AZIN2: variants seen among roughly 807,000 people sequenced by gnomAD.
The protein encoded by AZIN2 is ODC antizyme inhibitor-2.
AZIN2 carries 28 observed loss-of-function variants against 47.8 expected under a neutral mutation model. The observed-to-expected ratio is 0.59, with a 90% CI of 0.43 to 0.80. The LOEUF is 0.80. AZIN2 is among the 30% of genes least tolerant of loss of function. AZIN2 has a pLI of 0.00. For synonymous variants in AZIN2, 221 were observed against 239.4 expected, an observed-to-expected ratio of 0.92 and a Z score of 0.71; for missense variants, 535 against 582.5, an observed-to-expected ratio of 0.92 and a Z score of 0.84.
chr1:33,130,879 G>A, the AZIN2 span, among the ~76,000 whole-genome samples: 2 of 152,184 alleles, frequency 1.3e-5, no homozygotes, highest in Admixed American at 1.3e-4. Flanking sequence ...AGATGAATTT[G>A]AGATATGTCT....
chr1:33,090,540 G>A (rs1163629330), intron 5 of AZIN2, among the ~76,000 whole-genome samples: 3 of 152,148 alleles, frequency 2.0e-5, no homozygotes, highest in African/African-American at 7.2e-5. Context: ...TTGGTCTGGT[G>A]GACTTTCTAA....
chr1:33,121,711 T>C lies in AZIN2; in HGVS notation c.*1529T>C, dbSNP rs1644798788. The stretch of plus-strand genomic sequence containing the variant: ...TCCATTTTTCCCATTCCCCAGTCCC[T>C]GATGACACAAATCTACCTTCCATCT... On this transcript the variant is annotated 3_prime_UTR_variant, in exon 12 of 12. Transcript: ENST00000294517. Among the ~76,000 whole-genome samples, 1 of 152,230 alleles carries C rather than the reference T, an allele frequency of 6.6e-6. No homozygotes were observed. The highest frequency in any genetic ancestry group is 2.4e-5 in the African/African-American group (1 of 41,466).
intron 5 of AZIN2, among the ~76,000 whole-genome samples, chr1:33,088,407 G>T (rs1230722828): frequency 6.6e-6 from 1 of 152,172 alleles, no homozygotes; most frequent in African/African-American, 2.4e-5. Context: ...CTCCCCCAGG[G>T]CGATGGTGAT....
At chr1:33,104,149 C>T (rs1643888638) in intron 10 of AZIN2, among the ~76,000 whole-genome samples, 1 of 152,166 alleles carries the variant, frequency 6.6e-6, no homozygotes, top group African/African-American at 2.4e-5. Flanking sequence ...TCCCAAAGTG[C>T]TTTGATTACA....
chr1:33,095,470 A>G (rs72656215), intron 8 of AZIN2, among the ~76,000 whole-genome samples: 115 of 152,360 alleles, frequency 7.5e-4, no homozygotes, highest in South Asian at 2.1e-3. Flanking sequence ...GAGACCTACC[A>G]TGGTTATAAT....
At chr1:33,125,530 C>T (rs1268620548), downstream of AZIN2, among the ~76,000 whole-genome samples, 1 of 152,222 alleles carries the variant, frequency 6.6e-6, no homozygotes, top group Non-Finnish European at 1.5e-5. Flanking sequence ...TCATTCTCAT[C>T]TTAAAGGCCT....
Position 33,123,332 on chromosome 1 carries a change from C to G in AZIN2, c.*3150C>G, listed in dbSNP as rs1414872878. On this transcript the variant is annotated 3_prime_UTR_variant, in exon 12 of 12. Transcript: ENST00000294517. Reference sequence around the variant, plus strand: ...AACACAAGGGCAACTGTCAGCCCTTCTAGAATGTGAGCTCTAGGCTCTTGG... The same window carrying G: ...AACACAAGGGCAACTGTCAGCCCTTGTAGAATGTGAGCTCTAGGCTCTTGG... 1.3e-5 allele frequency among the ~76,000 whole-genome samples: 2 copies of G among 152,218 alleles called. No individual in the cohort carries two copies. The highest frequency in any genetic ancestry group is 3.8e-4 in the East Asian group (2 of 5,202).
At chr1:33,159,874 C>T in the AZIN2 span, 15 of 1,612,216 alleles carry the variant, frequency 9.3e-6, no homozygotes, top group Middle Eastern at 1.6e-4. This position sits in a 1 kb window ranked among gnomAD's most constrained non-coding sequence, Gnocchi z 4.2. Context: ...GGCCTTCTGG[C>T]GTTCACGCAG....
At chr1:33,150,275 A>G in the AZIN2 span, among the ~76,000 whole-genome samples, 28,757 of 152,082 alleles carry the variant, frequency 0.19, 3,167 homozygotes, top group South Asian at 0.3. Flanking sequence ...GGACATGGTT[A>G]TGCTTGGCTG....
chr1:33,109,327 C>CTTTTTTTTTTTTTTTTTTT (rs1231170138), intron 10 of AZIN2, among the ~76,000 whole-genome samples: 1 of 138,012 alleles, frequency 7.2e-6, no homozygotes, highest in Non-Finnish European at 1.6e-5. Context: ...TTTTCTTTTT[C>CTTTTTTTTTTTTTTTTTTT]TTTTTTTTTT....
At chr1:33,144,168 C>T in the AZIN2 span, among the ~76,000 whole-genome samples, 3 of 136,640 alleles carry the variant, frequency 2.2e-5, no homozygotes, top group African/African-American at 8.1e-5. Flanking sequence ...GACGGAGTTT[C>T]GCTCTTTGCC....
the AZIN2 span, among the ~76,000 whole-genome samples, chr1:33,153,261 CAAAG>C: frequency 6.6e-6 from 1 of 152,192 alleles, no homozygotes; most frequent in South Asian, 2.1e-4. Context: ...GCCCCACAGA[CAAAG>C]AAAGGGGCCC....
the AZIN2 span, among the ~76,000 whole-genome samples, chr1:33,162,278 A>G: frequency 6.6e-6 from 1 of 152,212 alleles, no homozygotes; most frequent in East Asian, 1.9e-4. Flanking sequence ...GCGCCACTGC[A>G]TTGCAACTCC....
At chr1:33,138,093 C>T in the AZIN2 span, among the ~76,000 whole-genome samples, 6 of 152,174 alleles carry the variant, frequency 3.9e-5, no homozygotes, top group East Asian at 1.2e-3. Context: ...GAGGCAAGTG[C>T]TCAGGGACTT....
chr1:33,146,131 G>C, the AZIN2 span: 3 of 263,496 alleles, frequency 1.1e-5, no homozygotes, highest in African/African-American at 2.3e-5. Context: ...GGAGTTCCTG[G>C]AAATTCAGCA....
chr1:33,082,238 C>T lies in AZIN2; in HGVS notation c.-12C>T. 1 of 1,612,088 alleles carries T rather than the reference C, an allele frequency of 6.2e-7. No homozygotes were observed. Among genetic ancestry groups the T allele is most frequent in the South Asian group, 1.1e-5 (1 of 91,024 alleles). ...GCGGCTCCATCCAGCCCGTCAGCTCCTCCTGCAAGGCATGGCTGGCTACCT... is the reference window on the plus strand; with the variant it reads ...GCGGCTCCATCCAGCCCGTCAGCTCTTCCTGCAAGGCATGGCTGGCTACCT... On this transcript the variant is annotated 5_prime_UTR_variant, in exon 4 of 12. Coordinates refer to ENST00000294517, the MANE Select transcript of AZIN2 (RefSeq NM_052998.4).
At chr1:33,133,015 C>T in the AZIN2 span, among the ~76,000 whole-genome samples, 4 of 152,256 alleles carry the variant, frequency 2.6e-5, no homozygotes, top group South Asian at 2.1e-4. Context: ...CAGGAGTGCA[C>T]TCCTTGGAGG....
intron 10 of AZIN2, among the ~76,000 whole-genome samples, chr1:33,098,503 G>T (rs1424602896): frequency 1.3e-5 from 2 of 152,130 alleles, no homozygotes; most frequent in Non-Finnish European, 2.9e-5. Flanking sequence ...AACTCTAGTG[G>T]TTGGCTATTT....
the AZIN2 span, among the ~76,000 whole-genome samples, chr1:33,157,215 C>T: frequency 4.6e-5 from 7 of 152,182 alleles, no homozygotes; most frequent in South Asian, 2.1e-4. Context: ...TCAGTCTCTT[C>T]ACCTTGACCC....
Sources: gnomAD v4.1 joint callset for allele counts (sites outside exome capture counted in the v4.1 genomes callset) on GRCh38, gnomAD v4.1.1 for gene constraint, Gnocchi (gnomAD v3.1) non-coding constraint, MANE v1.5 for transcripts, NCBI Gene and HGNC (gene_info 2026-07-23, HGNC 2026-07-21) for gene names.